CCDC91: variants seen among roughly 807,000 people sequenced by gnomAD.
CCDC91 encodes coiled-coil domain containing 91.
CCDC91 carries 48 observed loss-of-function variants against 63.2 expected under a neutral mutation model. The ratio of observed to expected loss-of-function variants is 0.76; its 90% CI spans 0.60 to 0.97. The LOEUF (loss-of-function observed/expected upper bound fraction) is 0.97. CCDC91 is among the 50% of genes least tolerant of loss of function. CCDC91 has a pLI of 0.00. For synonymous variants in CCDC91, 167 were observed against 165.8 expected (o/e 1.01, Z -0.06); for missense variants, 500 against 494.6 (o/e 1.01, Z -0.10).
chr12:28,523,991 A>G lies in CCDC91; in HGVS notation c.1216-25072A>G, dbSNP rs1231007797. 5.9e-5 allele frequency among the ~76,000 whole-genome samples: 9 copies of G among 152,132 alleles called. No individual in the cohort carries two copies. In the East Asian group the frequency reaches 1.7e-3, roughly 29 times the overall value. ...TCCTCAAGAAGAGTAACTCTAAGAC[A>G]CATGATTGTCAGATTCACCAAAGTT... On this transcript the variant is annotated intron_variant, in intron 12 of 12. Transcript: ENST00000536442.
intron 8 of CCDC91, among the ~76,000 whole-genome samples, chr12:28,422,951 GTGTTTGTTGTTGT>G (rs1948098796): frequency 3.3e-5 from 5 of 150,690 alleles, no homozygotes; most frequent in Non-Finnish European, 6.0e-5. Flanking sequence ...GTTGTTGTTG[GTGTTTGTTGTTGT>G]TGGTGGTTGT....
chr12:28,330,018 A>G (rs1470129010), intron 6 of CCDC91, among the ~76,000 whole-genome samples: 1 of 152,038 alleles, frequency 6.6e-6, no homozygotes, highest in African/African-American at 2.4e-5. Context: ...TGTGTCTTTG[A>G]TGGACATTAG....
chr12:28,297,629 T>G (rs1327190512), intron 3 of CCDC91, among the ~76,000 whole-genome samples: 1 of 151,794 alleles, frequency 6.6e-6, no homozygotes, highest in African/African-American at 2.4e-5. Context: ...GAAACAAAAT[T>G]TTATAGATTT....
intron 6 of CCDC91, among the ~76,000 whole-genome samples, chr12:28,341,727 G>T (rs988457022): frequency 6.6e-6 from 1 of 152,104 alleles, no homozygotes; most frequent in Non-Finnish European, 1.5e-5. Flanking sequence ...GAAATTTGAG[G>T]TACTTCCACA....
chr12:28,251,986 ATTGTT>A (rs1481929714), intron 1 of CCDC91, among the ~76,000 whole-genome samples: 1 of 152,142 alleles, frequency 6.6e-6, no homozygotes, highest in Non-Finnish European at 1.5e-5. Context: ...TGCAATAAAA[ATTGTT>A]TTGAGACTTT....
chr12:28,432,125 G>T (rs1240287827), intron 8 of CCDC91, among the ~76,000 whole-genome samples: 1 of 151,962 alleles, frequency 6.6e-6, no homozygotes, highest in Non-Finnish European at 1.5e-5. Context: ...TGTGCAGGAT[G>T]TGCAGGTTTG....
At chr12:28,234,391 T>G (rs1403601385) in intron 1 of CCDC91, among the ~76,000 whole-genome samples, 1 of 152,188 alleles carries the variant, frequency 6.6e-6, no homozygotes, top group Non-Finnish European at 1.5e-5. Flanking sequence ...GTCTTGTACT[T>G]GACAGAATTT....
rs73083940 is a variant in CCDC91 at position 28,276,682 on chromosome 12, A to G, written c.109+17240A>G. 1.2e-3 allele frequency among the ~76,000 whole-genome samples: 184 copies of G among 152,024 alleles called. 2 individuals are homozygous for G. The highest frequency in any genetic ancestry group is 6.8e-3 in the Middle Eastern group (2 of 294). ...GGCAAATGATTTTTTTCATTTTCATAAAAGGACAGTGATTTTTTTATGTTT... is the reference window on the plus strand; with the variant it reads ...GGCAAATGATTTTTTTCATTTTCATGAAAGGACAGTGATTTTTTTATGTTT... On this transcript the variant is annotated intron_variant, in intron 3 of 12. Transcript: ENST00000536442.
At chr12:28,201,287 C>A (rs3106457) in intron 1 of CCDC91, among the ~76,000 whole-genome samples, 6 of 149,698 alleles carry the variant, frequency 4.0e-5, no homozygotes, top group African/African-American at 1.2e-4. Context: ...GGTTGCCAGG[C>A]GGAGGGTCTC....
intron 11 of CCDC91, 111 bp downstream of exon 11, chr12:28,452,765 T>G (rs1949874127): frequency 2.3e-6 from 1 of 430,718 alleles, no homozygotes. Context: ...TAGATATTTA[T>G]GACTTTTTAA....
intron 1 of CCDC91, among the ~76,000 whole-genome samples, chr12:28,200,058 G>A (rs908973916): frequency 2.0e-5 from 3 of 151,582 alleles, no homozygotes; most frequent in Admixed American, 1.3e-4. Context: ...TCTTTTTCTG[G>A]TTCTCTCATT....
chr12:28,370,193 A>G (rs1302584509), intron 7 of CCDC91, among the ~76,000 whole-genome samples: 1 of 152,220 alleles, frequency 6.6e-6, no homozygotes, highest in Non-Finnish European at 1.5e-5. Context: ...CCTTTTAAAA[A>G]TGAGTTCCAA....
intron 3 of CCDC91, among the ~76,000 whole-genome samples, chr12:28,267,389 ATAT>A: frequency 6.6e-6 from 1 of 151,328 alleles, no homozygotes; most frequent in Non-Finnish European, 1.5e-5. Flanking sequence ...TTTTAAGGAT[ATAT>A]TATTATTAAT....
intron 6 of CCDC91, among the ~76,000 whole-genome samples, chr12:28,341,209 T>C (rs1207092065): frequency 2.0e-5 from 3 of 152,166 alleles, no homozygotes; most frequent in African/African-American, 7.2e-5. Flanking sequence ...CTCTGCCTGC[T>C]AGGGTCTCAG....
chr12:28,240,604 A>G (rs1945266178), intron 1 of CCDC91, among the ~76,000 whole-genome samples: 1 of 152,108 alleles, frequency 6.6e-6, no homozygotes, highest in African/African-American at 2.4e-5. Flanking sequence ...TTTTATATAA[A>G]TGGAATCGTG....
At chr12:28,528,621 G>A (rs1941477170) in intron 12 of CCDC91, among the ~76,000 whole-genome samples, 2 of 152,110 alleles carry the variant, frequency 1.3e-5, no homozygotes, top group African/African-American at 4.8e-5. Context: ...ACGTCCAAGT[G>A]GGGGCTGCAA....
intron 12 of CCDC91, among the ~76,000 whole-genome samples, chr12:28,506,530 A>T (rs1271845453): frequency 1.3e-5 from 2 of 152,032 alleles, no homozygotes; most frequent in African/African-American, 4.8e-5. Flanking sequence ...ATTAGGAAGG[A>T]GAAATAAATG....
intron 11 of CCDC91, among the ~76,000 whole-genome samples, chr12:28,473,012 G>A (rs2140700331): frequency 6.6e-6 from 1 of 152,252 alleles, no homozygotes; most frequent in Non-Finnish European, 1.5e-5. Context: ...TTCAAACAAT[G>A]TTGATTATAG....
At chr12:28,274,196 C>G (rs1303203600) in intron 3 of CCDC91, among the ~76,000 whole-genome samples, 9 of 152,086 alleles carry the variant, frequency 5.9e-5, no homozygotes, top group Non-Finnish European at 1.3e-4. Flanking sequence ...TTCCATTGGT[C>G]TGTGTCTCTG....
Sources: allele counts gnomAD v4.1 joint callset (sites outside exome capture counted in the v4.1 genomes callset), GRCh38; gene constraint gnomAD v4.1.1; transcripts MANE v1.5; gene names NCBI Gene and HGNC (gene_info 2026-07-23, HGNC 2026-07-21).